The following H2BC5 variants were observed in gnomAD, a reference collection of about 807,000 sequenced individuals.
H2BC5 encodes the protein H2B clustered histone 5.
H2BC5 carries 9 observed loss-of-function variants against 5.7 expected under a neutral mutation model. The observed-to-expected ratio is 1.57, with a 90% CI of 0.95 to 2.74. H2BC5 has a LOEUF of 2.74. Ranked by LOEUF, H2BC5 falls within the 30% of genes most tolerant of loss-of-function variation. The probability of loss-of-function intolerance (pLI) is 0.00; values close to 1 mark genes in which losing one functional copy is unlikely to be tolerated. For missense variants in H2BC5, 175 were observed against 168.8 expected (o/e 1.04, Z -0.20); for synonymous variants, 133 against 70.9 (o/e 1.88, Z -4.40).
chr6:26,165,264 C>A (rs951317064), intron 1 of H2BC5, among the ~76,000 whole-genome samples: 2 of 152,180 alleles, frequency 1.3e-5, no homozygotes, highest in African/African-American at 2.4e-5. Flanking sequence ...AGAGCTCCCA[C>A]CTTCTCTGGA....
chr6:26,159,339 T>C (rs1194628278), downstream of H2BC5, among the ~76,000 whole-genome samples: 1 of 140,156 alleles, frequency 7.1e-6, no homozygotes, highest in East Asian at 2.2e-4. Context: ...TTAAGGTGCC[T>C]GACTGCACGT....
intron 1 of H2BC5, among the ~76,000 whole-genome samples, chr6:26,169,559 T>C (rs1369860718): frequency 6.6e-6 from 1 of 152,128 alleles, no homozygotes; most frequent in Non-Finnish European, 1.5e-5. Flanking sequence ...CAAAACAATA[T>C]TTTATAAATA....
At chr6:26,169,584 C>A (rs1430487672) in intron 1 of H2BC5, among the ~76,000 whole-genome samples, 1 of 151,840 alleles carries the variant, frequency 6.6e-6, no homozygotes, top group Admixed American at 6.6e-5. Flanking sequence ...AGCCAAGTTA[C>A]AATTACTTTC....
chr6:26,167,928 G>A (rs932004862), intron 1 of H2BC5, among the ~76,000 whole-genome samples: 1 of 150,974 alleles, frequency 6.6e-6, no homozygotes, highest in Non-Finnish European at 1.5e-5. Context: ...AAGTTTTAGG[G>A]TACATGTGCA....
rs138341541 is a variant in H2BC5 at position 26,158,271 on chromosome 6, C to T, written c.102C>T (p.Arg34=). Residue 34 remains arginine, a synonymous_variant, in exon 1 of 1, where the codon CGC becomes CGT. Transcript: ENST00000377777. The stretch of plus-strand genomic sequence containing the variant: ...ACGGGAAGAAGCGCAAGCGCAGCCG[C>T]AAGGAGAGCTATTCAGTGTATGTGT... ...KKDGKKRKRS[R]KESYSVYVYK... 30 of 1,614,236 alleles carry T rather than the reference C, an allele frequency of 1.9e-5. No homozygotes were observed. In the African/African-American group the frequency reaches 3.3e-4, roughly 18 times the overall value.
downstream of H2BC5, chr6:26,158,755 G>T: frequency 1.2e-6 from 1 of 815,170 alleles, no homozygotes; most frequent in Non-Finnish European, 1.9e-6. Flanking sequence ...TAGAAATTGA[G>T]TGCTATGGGT....
intron 1 of H2BC5, among the ~76,000 whole-genome samples, chr6:26,167,790 G>T (rs1764454350): frequency 2.0e-5 from 3 of 151,986 alleles, no homozygotes; most frequent in Non-Finnish European, 4.4e-5. Context: ...TCTCATTGGA[G>T]ACAAAAACTT....
At chr6:26,161,633 A>C (rs1350325515), downstream of H2BC5, among the ~76,000 whole-genome samples, 1 of 152,082 alleles carries the variant, frequency 6.6e-6, no homozygotes, top group African/African-American at 2.4e-5. Flanking sequence ...TTAGCCAGGC[A>C]TGGTGGTGCG....
At chr6:26,159,024 C>T (rs1156898543), downstream of H2BC5, among the ~76,000 whole-genome samples, 2 of 152,048 alleles carry the variant, frequency 1.3e-5, no homozygotes, top group Admixed American at 6.6e-5. Flanking sequence ...GTAATAACTG[C>T]AAGTAAAGGC....
chr6:26,164,698 C>G (rs950260752), intron 1 of H2BC5, among the ~76,000 whole-genome samples: 1 of 152,026 alleles, frequency 6.6e-6, no homozygotes, highest in African/African-American at 2.4e-5. Context: ...GGTCCCCACA[C>G]CTAACATCTT....
chr6:26,166,747 T>A (rs981986645), intron 1 of H2BC5, among the ~76,000 whole-genome samples: 2 of 137,104 alleles, frequency 1.5e-5, no homozygotes, highest in African/African-American at 5.5e-5. Flanking sequence ...TCACCCAGGC[T>A]AAAGTGCAAT....
At chr6:26,162,536 TTTTG>T (rs1764368462), downstream of H2BC5, among the ~76,000 whole-genome samples, 1 of 152,088 alleles carries the variant, frequency 6.6e-6, no homozygotes, top group Admixed American at 6.5e-5. Context: ...AGTTTTTGGT[TTTTG>T]TTTGTTGTTG....
At chr6:26,159,348 G>GT (rs2113832934), downstream of H2BC5, among the ~76,000 whole-genome samples, 1 of 139,562 alleles carries the variant, frequency 7.2e-6, no homozygotes, top group East Asian at 2.2e-4. Flanking sequence ...CTGACTGCAC[G>GT]TAGGCAATAG....
chr6:26,166,692 CTTTTTTTT>C (rs139697089), intron 1 of H2BC5, among the ~76,000 whole-genome samples: 4 of 90,158 alleles, frequency 4.4e-5, no homozygotes, highest in East Asian at 3.1e-4. Context: ...ATACTTTTGG[CTTTTTTTT>C]TTTTTTTTTT....
intron 1 of H2BC5, among the ~76,000 whole-genome samples, chr6:26,166,927 C>T (rs1169046440): frequency 6.6e-6 from 1 of 151,578 alleles, no homozygotes; most frequent in Admixed American, 6.6e-5. Flanking sequence ...TCTCGAACTC[C>T]TGACCTCAGG....
At position 26,164,763 on chromosome 6, in the gene H2BC5, T is replaced by C. The variant is rs552454941; in HGVS notation, c.*9+6204T>C. On this transcript the variant is annotated intron_variant, in intron 1 of 1. Coordinates refer to the H2BC5 transcript ENST00000289316. ...CCACAAGAAGGCTCTGCAGGCCCCA[T>C]TGCCCAGCACCATCCCATGGAAGGC... Among the ~76,000 whole-genome samples, 488 of 151,998 alleles carry C rather than the reference T, an allele frequency of 3.2e-3. 13 individuals are homozygous for C. The highest frequency in any genetic ancestry group is 1.0e-3 in the Non-Finnish European group (69 of 67,948).
chr6:26,159,458 C>T (rs570704697), downstream of H2BC5, among the ~76,000 whole-genome samples: 1 of 151,948 alleles, frequency 6.6e-6, no homozygotes, highest in Admixed American at 6.6e-5. Flanking sequence ...AAGAAAACCT[C>T]CTTCTGGCAG....
At chr6:26,165,687 G>A (rs185553621) in intron 1 of H2BC5, among the ~76,000 whole-genome samples, 16 of 152,222 alleles carry the variant, frequency 1.1e-4, no homozygotes, top group African/African-American at 2.6e-4. Flanking sequence ...TCTCTGAGAC[G>A]TCAAGGAGGC....
At chr6:26,164,214 C>T in intron 1 of H2BC5, 3 of 409,074 alleles carry the variant, frequency 7.3e-6, no homozygotes, top group South Asian at 2.2e-5. Flanking sequence ...CAGTGCCCCT[C>T]TCAGTCTCCC....
Sources: allele counts gnomAD v4.1 joint callset (sites outside exome capture counted in the v4.1 genomes callset), GRCh38; gene constraint gnomAD v4.1.1; transcripts MANE v1.5; gene names NCBI Gene and HGNC (gene_info 2026-07-23, HGNC 2026-07-21).